The following WDR7 variants were observed in gnomAD, a reference collection of about 807,000 sequenced individuals.
WDR7 encodes WD repeat domain 7, also known as WD repeat-containing protein 7.
Under a neutral mutation model 169.4 loss-of-function variants are expected in WDR7, and 46 were observed. The observed-to-expected ratio is 0.27, with a 90% CI of 0.21 to 0.35. The LOEUF (loss-of-function observed/expected upper bound fraction) is 0.35, where lower values mean the gene tolerates loss of function less well. WDR7 is among the 10% of genes least tolerant of loss of function. The pLI is 1.00. For missense variants in WDR7, 1,534 were observed against 1,859.3 expected, an observed-to-expected ratio of 0.83 and a Z score of 3.22; for synonymous variants, 612 against 666.8, an observed-to-expected ratio of 0.92 and a Z score of 1.27.
chr18:56,815,247 T>G (rs1198192999), intron 19 of WDR7, among the ~76,000 whole-genome samples: 1 of 152,178 alleles, frequency 6.6e-6, no homozygotes, highest in Non-Finnish European at 1.5e-5. Context: ...AATTTTTATA[T>G]TATCATGATT....
At chr18:56,668,467 T>C (rs2025066885) in intron 1 of WDR7, among the ~76,000 whole-genome samples, 2 of 152,214 alleles carry the variant, frequency 1.3e-5, no homozygotes, top group African/African-American at 2.4e-5. Flanking sequence ...GAGACTTCTC[T>C]CATGCTCTGT....
intron 25 of WDR7, among the ~76,000 whole-genome samples, chr18:56,948,580 C>T (rs2047139209): frequency 6.6e-6 from 1 of 152,192 alleles, no homozygotes; most frequent in Non-Finnish European, 1.5e-5. Flanking sequence ...GGCATCAGTT[C>T]TTTCGCTTAA....
At chr18:57,008,527 T>G (rs2048096758) in intron 26 of WDR7, among the ~76,000 whole-genome samples, 4 of 151,968 alleles carry the variant, frequency 2.6e-5, no homozygotes, top group African/African-American at 9.7e-5. Context: ...GACACGGGAG[T>G]GCTGGCCGTT....
chr18:56,937,695 A>G (rs968810444), intron 23 of WDR7, among the ~76,000 whole-genome samples: 5 of 152,170 alleles, frequency 3.3e-5, no homozygotes, highest in African/African-American at 1.2e-4. Flanking sequence ...CACTTAGAGA[A>G]TAATTTCTGG....
chr18:56,837,402 A>G (rs1275523118), intron 20 of WDR7, among the ~76,000 whole-genome samples: 2 of 152,210 alleles, frequency 1.3e-5, no homozygotes, highest in African/African-American at 4.8e-5. Context: ...ATCACCAACA[A>G]GTTTAAGTAA....
In WDR7 at chr18:56,917,162, A is replaced by C. The variant is rs1173146317; in HGVS notation, c.3527-6760A>C. Among the ~76,000 whole-genome samples, 3 of 151,552 alleles carry C rather than the reference A, an allele frequency of 2.0e-5. No homozygotes were observed. In the East Asian group the frequency reaches 5.8e-4, roughly 29 times the overall value. ...CAGTGAGCCGAGATCATGCCGTTGC[A>C]CTCCAGCCTGGGCGACAGGGTGACA... is the stretch of plus-strand genomic sequence containing the variant. On this transcript the variant is annotated intron_variant, in intron 21 of 27. Transcript: ENST00000254442.
chr18:56,820,366 C>T (rs944104066), intron 20 of WDR7, among the ~76,000 whole-genome samples: 1 of 26,748 alleles, frequency 3.7e-5, no homozygotes, highest in Non-Finnish European at 9.3e-5. Flanking sequence ...AAAAAAAAAC[C>T]ACCTTGATAC....
intron 26 of WDR7, among the ~76,000 whole-genome samples, chr18:57,013,126 C>T (rs2048159924): frequency 6.6e-6 from 1 of 152,108 alleles, no homozygotes; most frequent in African/African-American, 2.4e-5. Context: ...ACTGTTCCTC[C>T]TCAGATCATC....
chr18:56,872,811 A>T (rs937713744), intron 20 of WDR7: 6 of 152,186 alleles, frequency 3.9e-5, no homozygotes, highest in African/African-American at 7.2e-5. Context: ...TGGAAAAAAA[A>T]TACCAAATTT....
At chr18:56,759,139 A>C (rs557669673) in intron 16 of WDR7, among the ~76,000 whole-genome samples, 186 bp downstream of exon 16, 105 of 152,318 alleles carry the variant, frequency 6.9e-4, no homozygotes, top group Non-Finnish European at 1.0e-3. Flanking sequence ...TTTATTTAGA[A>C]AGTGATAAAT....
At chr18:56,858,972 G>A (rs2045763192) in intron 20 of WDR7, among the ~76,000 whole-genome samples, 1 of 152,122 alleles carries the variant, frequency 6.6e-6, no homozygotes, top group Non-Finnish European at 1.5e-5. Flanking sequence ...CTAGAGAAGA[G>A]CAAAAGATGA....
chr18:56,944,847 TATTA>T (rs1370886816), intron 25 of WDR7, among the ~76,000 whole-genome samples: 3 of 152,216 alleles, frequency 2.0e-5, no homozygotes, highest in Non-Finnish European at 4.4e-5. Flanking sequence ...TTTTCAAACC[TATTA>T]ATTCACAAGC....
At chr18:56,747,856 T>A (rs189102202) in intron 14 of WDR7, among the ~76,000 whole-genome samples, 62 of 152,204 alleles carry the variant, frequency 4.1e-4, no homozygotes, top group African/African-American at 1.4e-3. Context: ...ATTTCTGAAA[T>A]GAGGGCTTGT....
chr18:56,973,036 CTTTGTA>C (rs1331652791), intron 26 of WDR7, among the ~76,000 whole-genome samples: 1 of 151,936 alleles, frequency 6.6e-6, no homozygotes, highest in African/African-American at 2.4e-5. Flanking sequence ...GCTAATTTTT[CTTTGTA>C]TTTTTAGTGG....
At chr18:56,769,315 C>T (rs1305882535) in intron 16 of WDR7, among the ~76,000 whole-genome samples, 1 of 151,292 alleles carries the variant, frequency 6.6e-6, no homozygotes, top group African/African-American at 2.4e-5. Context: ...GACTTCCAGT[C>T]GAGGCTCTTG....
At chr18:56,989,432 G>A (rs1027203361) in intron 26 of WDR7, among the ~76,000 whole-genome samples, 4 of 151,954 alleles carry the variant, frequency 2.6e-5, no homozygotes, top group African/African-American at 9.7e-5. Flanking sequence ...ATCTTTTGAT[G>A]TTCAAATAAG....
chr18:56,818,524 A>T (rs967208191), intron 20 of WDR7, among the ~76,000 whole-genome samples: 1 of 152,214 alleles, frequency 6.6e-6, no homozygotes, highest in East Asian at 1.9e-4. Context: ...AAGAATGTTC[A>T]ATATCCGAAG....
intron 20 of WDR7, among the ~76,000 whole-genome samples, chr18:56,818,184 T>C (rs2045018409): frequency 6.6e-6 from 1 of 152,242 alleles, no homozygotes; most frequent in African/African-American, 2.4e-5. Flanking sequence ...GTTTAAGTCA[T>C]AGCAAAAATA....
intron 26 of WDR7, among the ~76,000 whole-genome samples, chr18:56,999,818 G>T (rs2047949293): frequency 6.6e-6 from 1 of 152,150 alleles, no homozygotes; most frequent in African/African-American, 2.4e-5. Flanking sequence ...AGCTGGGGCA[G>T]AAATAGGACT....
Sources: gnomAD v4.1 joint callset for allele counts (sites outside exome capture counted in the v4.1 genomes callset) on GRCh38, gnomAD v4.1.1 for gene constraint, MANE v1.5 for transcripts, NCBI Gene and HGNC (gene_info 2026-07-23, HGNC 2026-07-21) for gene names.